The following KCNJ6 variants were observed in gnomAD, a reference collection of about 807,000 sequenced individuals.
KCNJ6 encodes G protein-activated inward rectifier potassium channel 2.
A neutral mutation model predicts 34.2 loss-of-function variants in KCNJ6; 9 were observed. The observed-to-expected ratio is 0.26, with a 90% CI of 0.16 to 0.46. KCNJ6 has a LOEUF of 0.46. Ranked by LOEUF, KCNJ6 falls within the 20% of genes least tolerant of loss-of-function variation. The pLI is 1.00. For missense variants in KCNJ6, 236 were observed against 531.3 expected (o/e 0.44, Z 5.46); for synonymous variants, 196 against 207.1 (o/e 0.95, Z 0.46).
At chr21:37,735,837 G>A (rs2054910036) in intron 2 of KCNJ6, among the ~76,000 whole-genome samples, 1 of 152,164 alleles carries the variant, frequency 6.6e-6, no homozygotes, top group Non-Finnish European at 1.5e-5. Context: ...GAGCTGGGGA[G>A]AATTATTAGG....
intron 1 of KCNJ6, among the ~76,000 whole-genome samples, chr21:37,903,983 C>G (rs2055829500): frequency 1.3e-5 from 2 of 152,138 alleles, no homozygotes; most frequent in Non-Finnish European, 2.9e-5. Flanking sequence ...TGTTGAGTAA[C>G]TGATCATTTT....
At chr21:37,668,121 T>C (rs2054525266) in intron 3 of KCNJ6, among the ~76,000 whole-genome samples, 1 of 152,100 alleles carries the variant, frequency 6.6e-6, no homozygotes, top group South Asian at 2.1e-4. Flanking sequence ...CCCCAGGGCC[T>C]CAGCTCGGGT....
chr21:37,815,089 A>T (rs2055340468), intron 2 of KCNJ6, among the ~76,000 whole-genome samples: 1 of 152,006 alleles, frequency 6.6e-6, no homozygotes, highest in African/African-American at 2.4e-5. Flanking sequence ...ATGGAGATAG[A>T]GAGTAGGATG....
chr21:37,706,770 G>A (rs987615290), intron 3 of KCNJ6, among the ~76,000 whole-genome samples: 1 of 149,302 alleles, frequency 6.7e-6, no homozygotes, highest in African/African-American at 2.5e-5. Flanking sequence ...TAAAGCAGAT[G>A]TATCTATAAG....
At position 37,624,000 on chromosome 21, in the gene KCNJ6, C is replaced by T. The variant is rs1163654478; in HGVS notation, c.*1159G>A. 3 of 152,184 alleles carry T rather than the reference C, an allele frequency of 2.0e-5. No individual in the cohort carries two copies. Among genetic ancestry groups the T allele is most frequent in the Non-Finnish European group, 4.4e-5 (3 of 68,032 alleles). The allele number at this position is 152,184 out of a possible 1,614,324, so 9.4% of individuals were successfully genotyped here. ...ACCATCTTCTGCTAACTTACCATGTCTCATTGTAAGAGTGTAGAGAAACTA... is the reference window on the plus strand; with the variant it reads ...ACCATCTTCTGCTAACTTACCATGTTTCATTGTAAGAGTGTAGAGAAACTA... On this transcript the variant is annotated 3_prime_UTR_variant, in exon 4 of 4. Coordinates refer to ENST00000609713, the MANE Select transcript of KCNJ6 (RefSeq NM_002240.5).
At chr21:37,707,713 G>GTGTGTGTGTGTGTGTGTGTGTGTGTA (rs1569449127) in intron 3 of KCNJ6, among the ~76,000 whole-genome samples, 4 of 147,776 alleles carry the variant, frequency 2.7e-5, no homozygotes, top group Admixed American at 1.4e-4. Flanking sequence ...TAGCTGTTTA[G>GTGTGTGTGTGTGTGTGTGTGTGTGTA]TATCTGTGCA....
At chr21:37,825,765 T>C (rs531690217) in intron 2 of KCNJ6, among the ~76,000 whole-genome samples, 3 of 152,262 alleles carry the variant, frequency 2.0e-5, no homozygotes, top group African/African-American at 4.8e-5. Flanking sequence ...CTCATAATCA[T>C]GGCAGAAGGT....
rs1216270417 is a variant in KCNJ6 at position 37,611,802 on chromosome 21, G to GCAGGA, written c.*13352_*13356dup. On this transcript the variant is annotated 3_prime_UTR_variant, in exon 4 of 4. Transcript: ENST00000609713. ...TTTCATGATAAAAACACTCAGTAAA[G>GCAGGA]CAGGAATAGAGGAGAAGCCCCTCAA... 6.6e-6 allele frequency: 1 copy of GCAGGA among 151,928 alleles called. No homozygotes were observed. Among genetic ancestry groups the GCAGGA allele is most frequent in the African/African-American group, 2.4e-5 (1 of 41,356 alleles). 9.4% of individuals were successfully genotyped at this position (151,928 alleles called of 1,614,324 possible). A position where few individuals can be genotyped will look rare whatever the true frequency, so the allele number is the denominator to read the frequency against.
intron 2 of KCNJ6, among the ~76,000 whole-genome samples, chr21:37,838,585 G>T (rs1158355877): frequency 1.3e-5 from 2 of 152,234 alleles, no homozygotes; most frequent in Non-Finnish European, 2.9e-5. Context: ...AGATTAGAAA[G>T]AAATCTGCTC....
At chr21:37,671,906 T>C (rs1259626384) in intron 3 of KCNJ6, among the ~76,000 whole-genome samples, 1 of 152,188 alleles carries the variant, frequency 6.6e-6, no homozygotes, top group African/African-American at 2.4e-5. Flanking sequence ...GTGTTGATCT[T>C]GTACTCTACA....
chr21:37,795,377 C>T (rs937662078), intron 2 of KCNJ6, among the ~76,000 whole-genome samples: 1 of 152,134 alleles, frequency 6.6e-6, no homozygotes, highest in Non-Finnish European at 1.5e-5. Flanking sequence ...AGAGGAGGCT[C>T]AGCTAACCCT....
At chr21:37,682,388 T>C (rs1226076394) in intron 3 of KCNJ6, among the ~76,000 whole-genome samples, 1 of 152,166 alleles carries the variant, frequency 6.6e-6, no homozygotes, top group Admixed American at 6.5e-5. Context: ...AGTCTAAAAA[T>C]TAAACTATTG....
At chr21:37,741,436 G>C (rs1365250297) in intron 2 of KCNJ6, among the ~76,000 whole-genome samples, 2 of 152,172 alleles carry the variant, frequency 1.3e-5, no homozygotes, top group African/African-American at 4.8e-5. Flanking sequence ...GAGTTGAAAT[G>C]GGCTGTGTTC....
chr21:37,870,902 T>C (rs2055648348), intron 1 of KCNJ6, among the ~76,000 whole-genome samples: 1 of 152,200 alleles, frequency 6.6e-6, no homozygotes, highest in African/African-American at 2.4e-5. Context: ...AGCCTTGTGG[T>C]GTGATCTGGG....
chr21:37,691,847 A>G (rs951261577), intron 3 of KCNJ6, among the ~76,000 whole-genome samples: 21 of 152,214 alleles, frequency 1.4e-4, no homozygotes, highest in African/African-American at 5.1e-4. Flanking sequence ...AAATAGTGAC[A>G]GGGACATGAA....
In KCNJ6 at chr21:37,792,226, G is replaced by C. The variant is rs16995503; in HGVS notation, c.25+48432C>G. On this transcript the variant is annotated intron_variant, in intron 2 of 3. Coordinates refer to ENST00000609713, the MANE Select transcript of KCNJ6 (RefSeq NM_002240.5). ...CTGCAACCCTCCTATCTGCTGCTTT[G>C]TGGTCAGTTAGTGGTGTTTTGGCAC... 7.5e-3 allele frequency among the ~76,000 whole-genome samples: 1,147 copies of C among 152,326 alleles called. 27 individuals carry two copies. The highest frequency in any genetic ancestry group is 0.027 in the African/African-American group (1,104 of 41,574).
rs531457203 is a variant in KCNJ6 at position 37,789,668 on chromosome 21, G to A, written c.25+50990C>T. Among the ~76,000 whole-genome samples the A allele has an allele frequency of 1.2e-3, 177 of 152,242 alleles. 1 individual carries two copies. Among genetic ancestry groups the A allele is most frequent in the African/African-American group, 3.9e-3 (162 of 41,548 alleles). On this transcript the variant is annotated intron_variant, in intron 2 of 3. Transcript: ENST00000609713. Reference sequence around the variant, plus strand: ...GAGAGAAAGAGTCTAGGTCTTCGACGGCATCCTTGCACAGCTGAATCAATA... The same window carrying A: ...GAGAGAAAGAGTCTAGGTCTTCGACAGCATCCTTGCACAGCTGAATCAATA...
rs2054283879 is a variant in KCNJ6 at position 37,619,579 on chromosome 21, C to T, written c.*5580G>A. On this transcript the variant is annotated 3_prime_UTR_variant, in exon 4 of 4. Coordinates refer to ENST00000609713, the MANE Select transcript of KCNJ6 (RefSeq NM_002240.5). ...GAGCTAGTTCCAGGTTCACGTTCAT[C>T]ACCTTGATCAGTTGTAAACTGTAGG... 2 of 152,224 alleles carry T rather than the reference C, an allele frequency of 1.3e-5. No individual in the cohort carries two copies. Among genetic ancestry groups the T allele is most frequent in the African/African-American group, 2.4e-5 (1 of 41,458 alleles). The allele number at this position is 152,224 out of a possible 1,614,324, so 9.4% of individuals were successfully genotyped here.
At chr21:37,679,161 T>C (rs1400450520) in intron 3 of KCNJ6, among the ~76,000 whole-genome samples, 1 of 152,218 alleles carries the variant, frequency 6.6e-6, no homozygotes, top group Admixed American at 6.5e-5. Flanking sequence ...ATCTTGGAAG[T>C]GGATCCTCCA....
Sources: allele counts gnomAD v4.1 joint callset (sites outside exome capture counted in the v4.1 genomes callset), GRCh38; gene constraint gnomAD v4.1.1; transcripts MANE v1.5; gene names NCBI Gene and HGNC (gene_info 2026-07-23, HGNC 2026-07-21).